The following AR variants were observed in gnomAD, a reference collection of about 807,000 sequenced individuals.
AR encodes the protein androgen receptor, also known as dihydrotestosterone receptor.
A neutral mutation model predicts 53.9 loss-of-function variants in AR; 8 were observed. The observed-to-expected ratio is 0.15, with a 90% CI of 0.09 to 0.27. AR has a LOEUF of 0.27. AR is among the 10% of genes least tolerant of loss of function. AR has a pLI of 1.00. For missense variants in AR, 639 were observed against 742.5 expected, an observed-to-expected ratio of 0.86 and a Z score of 1.62; for synonymous variants, 359 against 316.4, an observed-to-expected ratio of 1.13 and a Z score of -1.43.
chrX:67,678,483 A>G (rs1393572937), intron 2 of AR, among the ~76,000 whole-genome samples: 1 of 111,529 alleles, frequency 9.0e-6, no homozygotes, highest in African/African-American at 3.3e-5. Flanking sequence ...TTTTCTTTTC[A>G]TTAAAGGCTA....
intron 2 of AR, among the ~76,000 whole-genome samples, chrX:67,655,616 G>C (rs1331913295): frequency 9.0e-6 from 1 of 111,166 alleles, no homozygotes; most frequent in Admixed American, 9.6e-5. Flanking sequence ...GAATTCTATT[G>C]ATATAAAGGT....
Position 67,727,781 on chromosome X carries a change from G to A in AR, c.*3940G>A, listed in dbSNP as rs1351207849. On this transcript the variant is annotated 3_prime_UTR_variant, in exon 8 of 8. Coordinates refer to ENST00000374690, the MANE Select transcript of AR (RefSeq NM_000044.6). ...CGAATTATCTTGTGCCAGTTGCCCA[G>A]GTGAGAGGGCACTGGGCCAAGGGAG... 3.5e-5 allele frequency: 6 copies of A among 172,222 alleles called. No homozygotes were observed. The highest frequency in any genetic ancestry group is 1.2e-4 in the African/African-American group (4 of 33,776). The allele number at this position is 172,222 out of a possible 1,213,427, so 14.2% of individuals were successfully genotyped here. A position where few individuals can be genotyped will look rare whatever the true frequency, so the allele number is the denominator to read the frequency against.
intron 2 of AR, among the ~76,000 whole-genome samples, chrX:67,662,132 CA>C (rs1451732642): frequency 9.0e-6 from 1 of 111,285 alleles, no homozygotes; most frequent in Admixed American, 9.6e-5. Context: ...TTGATCTTTT[CA>C]AAAAACCAGT....
In AR at chrX:67,621,581, T is replaced by A. The variant is rs758079954; in HGVS notation, c.1617-21675T>A. Reference sequence around the variant, plus strand: ...TGTCTATGTGCTCTCATTGTTCAGCTCCCCCTTATGAGTGAGAACGTGCAG... The same window carrying A: ...TGTCTATGTGCTCTCATTGTTCAGCACCCCCTTATGAGTGAGAACGTGCAG... On this transcript the variant is annotated intron_variant, in intron 1 of 7. Transcript: ENST00000374690. Among the ~76,000 whole-genome samples, 15 of 110,648 alleles carry A rather than the reference T, an allele frequency of 1.4e-4. No individual in the cohort carries two copies. In the South Asian group the frequency reaches 5.5e-3, roughly 40 times the overall value.
intron 2 of AR, among the ~76,000 whole-genome samples, chrX:67,678,616 G>A (rs970145412): frequency 2.7e-5 from 3 of 111,735 alleles, no homozygotes; most frequent in Non-Finnish European, 5.6e-5. Context: ...TTCTTGTACA[G>A]ATTATTTCAT....
chrX:67,676,949 G>T (rs1227169742), intron 2 of AR, among the ~76,000 whole-genome samples: 1 of 110,762 alleles, frequency 9.0e-6, no homozygotes, highest in East Asian at 2.8e-4. Context: ...CTTTTTCTTT[G>T]TTTTTTTCTT....
chrX:67,546,231 G>T lies in AR; in HGVS notation c.1085G>T (p.Arg362Leu), dbSNP rs770988211. 2.1e-5 allele frequency: 26 copies of T among 1,210,043 alleles called. 1 individual carries two copies. In the South Asian group the frequency reaches 4.4e-4, roughly 20 times the overall value. ...ALDEAAAYQS[R>L]DYYNFPLALA... ...GACGAGGCAGCTGCGTACCAGAGTCGCGACTACTACAACTTTCCACTGGCT... is the reference window on the plus strand; with the variant it reads ...GACGAGGCAGCTGCGTACCAGAGTCTCGACTACTACAACTTTCCACTGGCT... Residue 362 changes from arginine to leucine, a missense_variant, in exon 1 of 8, where the codon CGC (arginine) becomes CTC (leucine). Around this residue, in one of 5 missense-constraint regions of AR, gnomAD observed 423 missense variants for 377.0 expected, o/e 1.12. Transcript: ENST00000374690.
At chrX:67,592,485 G>A (rs1294493531) in intron 1 of AR, among the ~76,000 whole-genome samples, 7 of 110,838 alleles carry the variant, frequency 6.3e-5, no homozygotes, top group Non-Finnish European at 1.1e-4. Context: ...GAGTATCTCT[G>A]TTGTATAAAA....
intron 2 of AR, among the ~76,000 whole-genome samples, chrX:67,662,812 A>T (rs773229412): frequency 0.021 from 2,373 of 110,972 alleles, 70 homozygotes; most frequent in African/African-American, 0.073. Context: ...GTGCTCCTGT[A>T]TTGGTTGCAT....
intron 1 of AR, among the ~76,000 whole-genome samples, chrX:67,572,052 G>A (rs898669804): frequency 9.0e-6 from 1 of 111,156 alleles, no homozygotes; most frequent in African/African-American, 3.3e-5. Flanking sequence ...GCCTGTCTCA[G>A]TAGCTACCAA....
chrX:67,608,145 A>G (rs1923715617), intron 1 of AR, among the ~76,000 whole-genome samples: 1 of 112,277 alleles, frequency 8.9e-6, no homozygotes, highest in South Asian at 3.7e-4. Context: ...CAATGGAAAT[A>G]CAGTAGCAGG....
intron 5 of AR, among the ~76,000 whole-genome samples, chrX:67,717,927 TAA>T (rs1219490182): frequency 8.9e-6 from 1 of 112,238 alleles, no homozygotes; most frequent in Non-Finnish European, 1.9e-5. Context: ...CCTTCACATA[TAA>T]AAGAGGCAGA....
At chrX:67,554,021 T>G (rs1290701015) in intron 1 of AR, among the ~76,000 whole-genome samples, 1 of 112,233 alleles carries the variant, frequency 8.9e-6, no homozygotes, top group Non-Finnish European at 1.9e-5. Context: ...CATGGGGACA[T>G]TCTTCTCAGT....
At chrX:67,680,789 C>A (rs756727434) in intron 2 of AR, 11 of 328,821 alleles carry the variant, frequency 3.3e-5, no homozygotes, top group South Asian at 2.7e-4. Flanking sequence ...TGCATGGCAG[C>A]ACCAATGGGA....
intron 2 of AR, among the ~76,000 whole-genome samples, chrX:67,656,146 A>G (rs756338938): frequency 9.0e-6 from 1 of 111,724 alleles, no homozygotes; most frequent in South Asian, 3.8e-4. Context: ...AAGCATTTGT[A>G]TTCTCATAGT....
chrX:67,656,506 C>T (rs1463656148), intron 2 of AR, among the ~76,000 whole-genome samples: 1 of 111,451 alleles, frequency 9.0e-6, no homozygotes, highest in Non-Finnish European at 1.9e-5. Flanking sequence ...ACAACAAAAA[C>T]AATAATAATG....
intron 2 of AR, among the ~76,000 whole-genome samples, chrX:67,671,981 T>C (rs1217402347): frequency 1.8e-5 from 2 of 111,454 alleles, no homozygotes; most frequent in African/African-American, 6.5e-5. Context: ...ACCAGTACCA[T>C]GCTGTTTTGG....
chrX:67,618,319 G>T (rs1048197161), intron 1 of AR, among the ~76,000 whole-genome samples: 15 of 111,373 alleles, frequency 1.3e-4, no homozygotes, highest in African/African-American at 4.6e-4. Context: ...AAAAGAGAAG[G>T]TTTTCTTTGT....
intron 1 of AR, among the ~76,000 whole-genome samples, chrX:67,558,770 G>A (rs1440145293): frequency 8.9e-6 from 1 of 112,157 alleles, no homozygotes; most frequent in Admixed American, 9.4e-5. Flanking sequence ...GGAGAGTTAA[G>A]ATAAGAAAAA....
Sources: allele counts gnomAD v4.1 joint callset (sites outside exome capture counted in the v4.1 genomes callset), GRCh38; gene constraint gnomAD v4.1.1; regional missense constraint gnomAD v4.1.1; transcripts MANE v1.5; gene names NCBI Gene and HGNC (gene_info 2026-07-23, HGNC 2026-07-21).